Variants in RAPGEF2 observed in about 807,000 individuals in gnomAD.
The protein encoded by RAPGEF2 is PDZ domain containing guanine nucleotide exchange factor (GEF) 1.
A neutral mutation model predicts 186.7 loss-of-function variants in RAPGEF2; 54 were observed. The ratio of observed to expected loss-of-function variants is 0.29; its 90% CI spans 0.23 to 0.36. The LOEUF is 0.36. Ranked by LOEUF, RAPGEF2 falls within the 10% of genes least tolerant of loss-of-function variation. RAPGEF2 has a pLI of 1.00. For synonymous variants in RAPGEF2, 712 were observed against 705.9 expected (o/e 1.01, Z -0.14); for missense variants, 1,532 against 2,045.0 (o/e 0.75, Z 4.84).
At chr4:159,189,571 T>C (rs1381259049) in intron 2 of RAPGEF2, among the ~76,000 whole-genome samples, 1 of 152,172 alleles carries the variant, frequency 6.6e-6, no homozygotes, top group African/African-American at 2.4e-5. Flanking sequence ...TGAAATAAAA[T>C]AATACATATT....
In RAPGEF2 at chr4:159,150,004, G is replaced by A. The variant is rs542857724; in HGVS notation, c.70-36638G>A. 6.0e-5 allele frequency among the ~76,000 whole-genome samples: 8 copies of A among 132,316 alleles called. No individual in the cohort carries two copies. In the South Asian group the frequency reaches 1.7e-3, roughly 29 times the overall value. 86.8% of individuals were successfully genotyped at this position (132,316 alleles called of 152,430 possible). ...CCTGTAATCTAAGTTGTTTTACTTA[G>A]AATGTTCTGTTTTTCTTGCTCTAGA... On this transcript the variant is annotated intron_variant, in intron 1 of 29. Transcript: ENST00000691494.
intron 6 of RAPGEF2, among the ~76,000 whole-genome samples, chr4:159,243,417 A>G (rs1754248134): frequency 6.6e-6 from 1 of 152,016 alleles, no homozygotes; most frequent in Non-Finnish European, 1.5e-5. Flanking sequence ...ATGATACCAC[A>G]TAGTAAAAAG....
chr4:159,106,276 T>A (rs1737872191), intron 1 of RAPGEF2, among the ~76,000 whole-genome samples: 1 of 152,236 alleles, frequency 6.6e-6, no homozygotes, highest in Non-Finnish European at 1.5e-5. Context: ...TTAACTTTGA[T>A]GTTCGTTTGG....
chr4:159,267,020 TA>T (rs1361622680), intron 7 of RAPGEF2: 1 of 377,536 alleles, frequency 2.6e-6, no homozygotes, highest in East Asian at 7.5e-5. Flanking sequence ...AATGGTTAAG[TA>T]GAGGAGGGGG....
chr4:159,338,084 TATATCTAAAA>T (rs1767719266), intron 17 of RAPGEF2, among the ~76,000 whole-genome samples: 1 of 151,848 alleles, frequency 6.6e-6, no homozygotes, highest in Non-Finnish European at 1.5e-5. Flanking sequence ...AGCAAGATGC[TATATCTAAAA>T]ACAAACAAAC....
At chr4:159,297,934 C>T (rs916912350) in intron 7 of RAPGEF2, among the ~76,000 whole-genome samples, 1 of 152,174 alleles carries the variant, frequency 6.6e-6, no homozygotes, top group African/African-American at 2.4e-5. Flanking sequence ...TGCCCAGGTT[C>T]ACTTGACTTA....
intron 1 of RAPGEF2, among the ~76,000 whole-genome samples, chr4:159,174,323 G>A (rs946883071): frequency 7.9e-5 from 12 of 152,134 alleles, no homozygotes; most frequent in Non-Finnish European, 1.6e-4. Context: ...TCTTCAATGA[G>A]AGATAAACTC....
intron 1 of RAPGEF2, among the ~76,000 whole-genome samples, chr4:159,110,503 T>G (rs6814859): frequency 0.63 from 95,728 of 151,998 alleles, 31,005 homozygotes; most frequent in African/African-American, 0.79. Flanking sequence ...ACTTGAACCC[T>G]GGAGGCAGAG....
intron 1 of RAPGEF2, among the ~76,000 whole-genome samples, chr4:159,138,065 T>C (rs974058208): frequency 1.1e-4 from 17 of 152,232 alleles, no homozygotes; most frequent in African/African-American, 4.8e-5. Flanking sequence ...ATAATGTTAA[T>C]GAATATGGTT....
At chr4:159,258,203 C>T (rs1222600066) in intron 7 of RAPGEF2, among the ~76,000 whole-genome samples, 1 of 152,158 alleles carries the variant, frequency 6.6e-6, no homozygotes, top group Non-Finnish European at 1.5e-5. Flanking sequence ...TAGTAAAATA[C>T]TCTCCATGCC....
chr4:159,336,323 C>T (rs1767409044), intron 17 of RAPGEF2, among the ~76,000 whole-genome samples: 1 of 152,054 alleles, frequency 6.6e-6, no homozygotes, highest in Admixed American at 6.5e-5. Context: ...CTGGCCCTAA[C>T]CTCACCCTTC....
At chr4:159,106,011 C>T (rs1737831224) in intron 1 of RAPGEF2, among the ~76,000 whole-genome samples, 1 of 152,180 alleles carries the variant, frequency 6.6e-6, no homozygotes, top group Non-Finnish European at 1.5e-5. Context: ...AGAGACAAAA[C>T]CTCCACTGTG....
intron 1 of RAPGEF2, among the ~76,000 whole-genome samples, chr4:159,117,040 GTATT>G (rs1162832467): frequency 6.6e-6 from 1 of 152,034 alleles, no homozygotes. Flanking sequence ...AATAACAAAA[GTATT>G]TATCTAAGTT....
At chr4:159,198,457 T>G (rs1323313929) in intron 3 of RAPGEF2, among the ~76,000 whole-genome samples, 1 of 151,352 alleles carries the variant, frequency 6.6e-6, no homozygotes, top group Non-Finnish European at 1.5e-5. Context: ...CTTACTGTTT[T>G]TTTCTTGAGG....
At chr4:159,138,931 G>A (rs751866335) in intron 1 of RAPGEF2, among the ~76,000 whole-genome samples, 1 of 152,168 alleles carries the variant, frequency 6.6e-6, no homozygotes, top group Non-Finnish European at 1.5e-5. Flanking sequence ...GGACAGTAAC[G>A]AATTGAAATA....
chr4:159,117,282 A>G (rs1328203940), intron 1 of RAPGEF2, among the ~76,000 whole-genome samples: 4 of 152,224 alleles, frequency 2.6e-5, no homozygotes, highest in Non-Finnish European at 4.4e-5. Context: ...TTGAAGAGCA[A>G]GCTTTAGGGC....
intron 1 of RAPGEF2, among the ~76,000 whole-genome samples, chr4:159,132,241 A>C (rs1450303725): frequency 2.0e-5 from 3 of 152,238 alleles, no homozygotes; most frequent in Admixed American, 6.5e-5. Flanking sequence ...ACACCATTTT[A>C]TGATCGTACT....
intron 1 of RAPGEF2, among the ~76,000 whole-genome samples, chr4:159,122,786 G>C (rs1369443566): frequency 6.6e-6 from 1 of 152,088 alleles, no homozygotes; most frequent in African/African-American, 2.4e-5. Context: ...TGTAAACCTT[G>C]AATAATATTA....
chr4:159,230,442 A>G (rs936556078), intron 4 of RAPGEF2, among the ~76,000 whole-genome samples: 5 of 152,214 alleles, frequency 3.3e-5, no homozygotes. Context: ...TAACTTTTGA[A>G]AGATATATAA....
Sources: allele counts gnomAD v4.1 joint callset (sites outside exome capture counted in the v4.1 genomes callset), GRCh38; gene constraint gnomAD v4.1.1; transcripts MANE v1.5; gene names NCBI Gene and HGNC (gene_info 2026-07-23, HGNC 2026-07-21).